Variants in NALF1 observed in about 807,000 individuals in gnomAD.
NALF1 encodes the protein NALCN channel auxiliary factor 1.
A neutral mutation model predicts 48.4 loss-of-function variants in NALF1; 3 were observed. That is an observed-to-expected ratio of 0.06 (90% confidence interval 0.03 to 0.16). The LOEUF (loss-of-function observed/expected upper bound fraction) is 0.16. NALF1 is among the 10% of genes least tolerant of loss of function. NALF1 has a pLI of 1.00. For synonymous variants in NALF1, 262 were observed against 245.7 expected (o/e 1.07, Z -0.62); for missense variants, 526 against 571.5 (o/e 0.92, Z 0.81).
chr13:107,231,735 T>C (rs1344688589), intron 1 of NALF1, among the ~76,000 whole-genome samples: 1 of 152,228 alleles, frequency 6.6e-6, no homozygotes, highest in African/African-American at 2.4e-5. Context: ...CAAAACTGAT[T>C]TGCGCATTTG....
intron 1 of NALF1, among the ~76,000 whole-genome samples, chr13:107,601,896 T>TCC (rs933389326): frequency 5.9e-5 from 9 of 152,144 alleles, no homozygotes; most frequent in African/African-American, 1.9e-4. Flanking sequence ...TTACTGAGGC[T>TCC]CCCTCCCTTC....
chr13:107,286,274 T>C (rs1046226760), intron 1 of NALF1, among the ~76,000 whole-genome samples: 2 of 152,036 alleles, frequency 1.3e-5, no homozygotes, highest in Admixed American at 6.5e-5. Context: ...CCCTCCAAAA[T>C]TGAAACAGAT....
chr13:107,461,442 GA>G (rs1884917433), intron 1 of NALF1, among the ~76,000 whole-genome samples: 1 of 152,084 alleles, frequency 6.6e-6, no homozygotes, highest in Non-Finnish European at 1.5e-5. Flanking sequence ...TCCAGTTGCA[GA>G]AAATTAGTGT....
At chr13:107,544,135 A>T (rs1877071993) in intron 1 of NALF1, among the ~76,000 whole-genome samples, 4 of 152,194 alleles carry the variant, frequency 2.6e-5, no homozygotes, top group Admixed American at 2.0e-4. Context: ...ACATGATAAT[A>T]GCATGCCATA....
At chr13:107,476,978 A>C (rs1885184450) in intron 1 of NALF1, among the ~76,000 whole-genome samples, 1 of 152,160 alleles carries the variant, frequency 6.6e-6, no homozygotes, top group South Asian at 2.1e-4. Context: ...CTTAAAAATT[A>C]TTTTTATGCA....
At chr13:107,581,970 T>C (rs568553833) in intron 1 of NALF1, among the ~76,000 whole-genome samples, 1 of 152,282 alleles carries the variant, frequency 6.6e-6, no homozygotes, top group Admixed American at 6.5e-5. Context: ...CATTTACTTT[T>C]CATGTGACTC....
chr13:107,795,695 T>C (rs1014618798), intron 1 of NALF1, among the ~76,000 whole-genome samples: 4 of 152,222 alleles, frequency 2.6e-5, no homozygotes, highest in Admixed American at 6.5e-5. Context: ...ATAGTTTATA[T>C]AGCATTTGAA....
chr13:107,860,373 G>A (rs1465476207), intron 1 of NALF1, among the ~76,000 whole-genome samples: 3 of 152,178 alleles, frequency 2.0e-5, no homozygotes, highest in East Asian at 3.9e-4. Context: ...TGAGATATAG[G>A]AGCTGAAAGG....
intron 1 of NALF1, among the ~76,000 whole-genome samples, chr13:107,697,989 T>C (rs1416671310): frequency 2.0e-5 from 3 of 152,152 alleles, no homozygotes; most frequent in East Asian, 1.9e-4. Context: ...AACTGAATTA[T>C]ATACATTCCC....
intron 1 of NALF1, among the ~76,000 whole-genome samples, chr13:107,832,245 ATATT>A (rs1458243792): frequency 1.3e-5 from 2 of 151,722 alleles, no homozygotes; most frequent in African/African-American, 4.8e-5. Context: ...CATTAATATA[ATATT>A]TATTATATTT....
intron 1 of NALF1, among the ~76,000 whole-genome samples, chr13:107,813,193 T>A (rs374901901): frequency 1.3e-5 from 2 of 152,328 alleles, no homozygotes; most frequent in African/African-American, 4.8e-5. Context: ...GAGCTTTGAA[T>A]AAATATGCTT....
intron 1 of NALF1, among the ~76,000 whole-genome samples, chr13:107,859,914 CA>C (rs778833499): frequency 0.084 from 5,591 of 66,440 alleles, 135 homozygotes; most frequent in East Asian, 0.25. Flanking sequence ...AACTCCAACT[CA>C]AAAAAAAAAA....
chr13:107,335,217 A>G (rs1485560403), intron 1 of NALF1, among the ~76,000 whole-genome samples: 1 of 152,150 alleles, frequency 6.6e-6, no homozygotes, highest in Non-Finnish European at 1.5e-5. Context: ...ACCAATTTCC[A>G]TGGTCTCATC....
At chr13:107,543,574 C>T (rs185765622) in intron 1 of NALF1, among the ~76,000 whole-genome samples, 2 of 152,038 alleles carry the variant, frequency 1.3e-5, no homozygotes, top group African/African-American at 2.4e-5. Flanking sequence ...AAGAAGTATT[C>T]TGTCAATAAA....
At chr13:107,669,718 A>G (rs768791874) in intron 1 of NALF1, among the ~76,000 whole-genome samples, 13 of 152,086 alleles carry the variant, frequency 8.5e-5, no homozygotes, top group Admixed American at 1.3e-4. Flanking sequence ...TGCTCATTGT[A>G]GTAACTAAAA....
intron 1 of NALF1, among the ~76,000 whole-genome samples, chr13:107,586,442 C>T (rs188462072): frequency 6.6e-6 from 1 of 152,126 alleles, no homozygotes; most frequent in East Asian, 1.9e-4. Flanking sequence ...ACAGTAAATT[C>T]AACAGCTTCA....
intron 1 of NALF1, among the ~76,000 whole-genome samples, chr13:107,817,263 A>G (rs1396437649): frequency 1.3e-5 from 2 of 152,244 alleles, no homozygotes; most frequent in Non-Finnish European, 2.9e-5. Context: ...GAAATGCAGT[A>G]TACTTGAAAT....
chr13:107,782,684 G>A (rs1363337411), intron 1 of NALF1, among the ~76,000 whole-genome samples: 3 of 151,552 alleles, frequency 2.0e-5, no homozygotes, highest in African/African-American at 7.3e-5. Context: ...TCTGAGATGT[G>A]GGGAGTGCCT....
At chr13:107,582,256 A>C (rs1433233302) in intron 1 of NALF1, among the ~76,000 whole-genome samples, 2 of 152,248 alleles carry the variant, frequency 1.3e-5, no homozygotes, top group Non-Finnish European at 2.9e-5. Context: ...ATAGGGCAGA[A>C]GCCTGGATAA....
Sources: gnomAD v4.1 joint callset for allele counts (sites outside exome capture counted in the v4.1 genomes callset) on GRCh38, gnomAD v4.1.1 for gene constraint, MANE v1.5 for transcripts, NCBI Gene and HGNC (gene_info 2026-07-23, HGNC 2026-07-21) for gene names.